DHX57: variants seen among roughly 807,000 people sequenced by gnomAD.
DHX57 encodes the protein putative ATP-dependent RNA helicase DHX57.
A neutral mutation model predicts 156.2 loss-of-function variants in DHX57; 105 were observed. That is an observed-to-expected ratio of 0.67 (90% confidence interval 0.57 to 0.79). The LOEUF (loss-of-function observed/expected upper bound fraction) is 0.79. Ranked by LOEUF, DHX57 falls within the 30% of genes least tolerant of loss-of-function variation. DHX57 has a pLI of 0.00. For missense variants in DHX57, 1,847 were observed against 1,661.9 expected, an observed-to-expected ratio of 1.11 and a Z score of -1.94; for synonymous variants, 704 against 595.6, an observed-to-expected ratio of 1.18 and a Z score of -2.65.
intron 21 of DHX57, among the ~76,000 whole-genome samples, chr2:38,812,555 C>T (rs1047263227): frequency 3.3e-5 from 5 of 152,118 alleles, no homozygotes; most frequent in Admixed American, 1.3e-4. Flanking sequence ...TTATTTGAGA[C>T]GGAGTTTCGC....
chr2:38,810,411 C>G (rs555283116), intron 21 of DHX57: 30 of 513,510 alleles, frequency 5.8e-5, no homozygotes, highest in Non-Finnish European at 1.0e-4. Context: ...TGAGGTGGCC[C>G]TAGCTCCCCA....
intron 12 of DHX57, among the ~76,000 whole-genome samples, chr2:38,839,162 C>T (rs563947459): frequency 6.6e-6 from 1 of 151,794 alleles, no homozygotes; most frequent in South Asian, 2.1e-4. Flanking sequence ...GAACTCCTAA[C>T]CTCGTGATCC....
At position 38,862,360 on chromosome 2, in the gene DHX57, T is replaced by G. The variant is rs200312041; in HGVS notation, c.384-27A>C. 3.6e-5 allele frequency: 54 copies of G among 1,491,548 alleles called. No homozygotes were observed. In the African/African-American group the frequency reaches 6.0e-4, roughly 17 times the overall value. 92.4% of individuals were successfully genotyped at this position (1,491,548 alleles called of 1,614,324 possible). ...TAGCAAAGGCAACATTTTCATATAT[T>G]AGATATTACTTTCTACTTACTTCAA... On this transcript the variant is annotated intron_variant, in intron 3 of 23. Transcript: ENST00000457308.
rs1415570872 is a variant in DHX57 at position 38,823,035 on chromosome 2, A to G, written c.3249T>C (p.Pro1083=). The G allele has an allele frequency of 6.2e-7, 1 of 1,614,210 alleles. No homozygotes were observed. The highest frequency in any genetic ancestry group is 8.5e-7 in the Non-Finnish European group (1 of 1,180,028). Residue 1083 remains proline, a synonymous_variant, in exon 17 of 24, where the codon CCT becomes CCC. Coordinates refer to ENST00000457308, the MANE Select transcript of DHX57 (RefSeq NM_198963.3). ...CCAAACTGGCAGCAATGGTGAGAGC[A>G]GGATCCAAACAGCGGAAGATAGACC... The part of the protein sequence containing the change: ...LFGSIFRCLD[P]ALTIAASLAF...
At chr2:38,820,767 C>T (rs1572639257) in intron 17 of DHX57, among the ~76,000 whole-genome samples, 1 of 150,924 alleles carries the variant, frequency 6.6e-6, no homozygotes, top group African/African-American at 2.4e-5. Flanking sequence ...ACTGAAGAAA[C>T]TGAATACATC....
intron 2 of DHX57, among the ~76,000 whole-genome samples, chr2:38,865,644 C>A (rs1333041265): frequency 1.3e-5 from 2 of 152,096 alleles, no homozygotes; most frequent in African/African-American, 4.8e-5. Context: ...ACACATTTAT[C>A]ATTTCTTTGT....
intron 17 of DHX57, among the ~76,000 whole-genome samples, chr2:38,821,032 C>G (rs775624683): frequency 6.6e-6 from 1 of 151,804 alleles, no homozygotes; most frequent in Non-Finnish European, 1.5e-5. Flanking sequence ...CAAATATGTT[C>G]TCTGTTCACA....
Position 38,809,949 on chromosome 2 carries a change from A to G in DHX57, c.3682-3256T>C, listed in dbSNP as rs950862175. ...TGTTCTGTAGCCCAGGATGGAGTGC[A>G]ATGATGCGATCTCTGCTCACTGCAA... On this transcript the variant is annotated intron_variant, in intron 21 of 23. Transcript: ENST00000457308. Among the ~76,000 whole-genome samples, 5 of 150,366 alleles carry G rather than the reference A, an allele frequency of 3.3e-5. 1 individual carries two copies. Among genetic ancestry groups the G allele is most frequent in the African/African-American group, 7.3e-5 (3 of 40,852 alleles).
At chr2:38,867,420 T>C (rs533974732) in intron 2 of DHX57, among the ~76,000 whole-genome samples, 1 of 152,202 alleles carries the variant, frequency 6.6e-6, no homozygotes, top group East Asian at 1.9e-4. Flanking sequence ...TAGTTAAAAG[T>C]TGAACAGGAG....
At chr2:38,875,080 G>A (rs1271575307) in intron 1 of DHX57, among the ~76,000 whole-genome samples, 1 of 152,188 alleles carries the variant, frequency 6.6e-6, no homozygotes, top group Non-Finnish European at 1.5e-5. Context: ...TTTACAACTA[G>A]ATCTGAGATA....
Position 38,861,057 on chromosome 2 carries a change from A to G in DHX57, c.1353T>C (p.Pro451=), listed in dbSNP as rs1673166748. The part of the protein sequence containing the change: ...PVPSRTRINN[P]ACHKTVIPNN... ...TTGGAATCACTGTTTTATGACAGGC[A>G]GGATTATTTATTCTGGTCCTAGAGG... Residue 451 remains proline, a synonymous_variant, in exon 5 of 24, where the codon CCT becomes CCC. Transcript: ENST00000457308. 19 of 1,614,078 alleles carry G rather than the reference A, an allele frequency of 1.2e-5. No homozygotes were observed. Among genetic ancestry groups the G allele is most frequent in the Non-Finnish European group, 1.6e-5 (19 of 1,180,000 alleles).
At chr2:38,800,110 G>A (rs1243693174) in intron 23 of DHX57, among the ~76,000 whole-genome samples, 1 of 150,520 alleles carries the variant, frequency 6.6e-6, no homozygotes, top group African/African-American at 2.4e-5. Flanking sequence ...GCTTGAACAC[G>A]GGAGGCAGAG....
At position 38,802,888 on chromosome 2, in the gene DHX57, A is replaced by G. The variant is rs1341239549; in HGVS notation, c.3844T>C (p.Leu1282=). The G allele has an allele frequency of 6.2e-7, 1 of 1,614,156 alleles. No individual in the cohort carries two copies. Among genetic ancestry groups the G allele is most frequent in the South Asian group, 1.1e-5 (1 of 91,090 alleles). The part of the protein sequence containing the change: ...QVRHFDSPYL[L]YHEKIKTSRV... Reference sequence around the variant, plus strand: ...CTAGTTTTTATCTTCTCGTGGTACAACAGGTAGGGGCTGTCAAAGTGTCTC... The same window carrying G: ...CTAGTTTTTATCTTCTCGTGGTACAGCAGGTAGGGGCTGTCAAAGTGTCTC... Residue 1282 remains leucine (L), a synonymous_variant, in exon 23 of 24, where the codon TTG becomes CTG. Transcript: ENST00000457308.
chr2:38,829,102 C>T (rs766232264), intron 13 of DHX57, among the ~76,000 whole-genome samples: 9 of 151,810 alleles, frequency 5.9e-5, no homozygotes, highest in Non-Finnish European at 1.2e-4. Context: ...CCATCACGCC[C>T]GGCTAATTTT....
In DHX57 at chr2:38,825,986, G is replaced by T; in HGVS notation, c.2875C>A (p.Leu959Ile). 1.2e-6 allele frequency: 2 copies of T among 1,614,198 alleles called. No individual in the cohort carries two copies. The highest frequency in any genetic ancestry group is 1.7e-6 in the Non-Finnish European group (2 of 1,180,032). The change falls in exon 16 of 24, where the codon CTA (leucine) becomes ATA (isoleucine). Residue 959 changes from leucine (L) to isoleucine (I), a missense_variant. Transcript: ENST00000457308. ...CGGCCTGCTCGGCCTTTCCTTTGTA[G>T]AGCATTAGCTTGAGATACAAAGGTG... is the stretch of plus-strand genomic sequence containing the variant. Reference protein sequence around the residue: ...EDTFVSQANALQRKGRAGRVA... With the variant: ...EDTFVSQANAIQRKGRAGRVA...
intron 1 of DHX57, among the ~76,000 whole-genome samples, chr2:38,872,585 T>C (rs560085846): frequency 6.6e-6 from 1 of 152,348 alleles, no homozygotes; most frequent in African/African-American, 2.4e-5. Context: ...AGTGGCTATG[T>C]TAATAGCTTA....
intron 21 of DHX57, 148 bp downstream of exon 21, chr2:38,813,672 GA>G: frequency 2.2e-6 from 2 of 925,820 alleles, no homozygotes; most frequent in Non-Finnish European, 3.2e-6. Context: ...GCACCCGGCC[GA>G]AAATGTATAC....
At chr2:38,806,294 C>A in intron 22 of DHX57, 1 of 389,154 alleles carries the variant, frequency 2.6e-6, no homozygotes, top group Non-Finnish European at 4.6e-6. Context: ...TAGCTCATGA[C>A]TTCAATTACC....
At chr2:38,874,148 G>A (rs377716535) in intron 1 of DHX57, among the ~76,000 whole-genome samples, 1 of 151,848 alleles carries the variant, frequency 6.6e-6, no homozygotes. Flanking sequence ...CTGCAGTGCA[G>A]TGGTACGATC....
Sources: allele counts gnomAD v4.1 joint callset (sites outside exome capture counted in the v4.1 genomes callset), GRCh38; gene constraint gnomAD v4.1.1; transcripts MANE v1.5; gene names NCBI Gene and HGNC (gene_info 2026-07-23, HGNC 2026-07-21).